Variants in ANGPTL2 observed in about 807,000 individuals in gnomAD.
The protein encoded by ANGPTL2 is angiopoietin-related protein 2.
ANGPTL2 carries 25 observed loss-of-function variants against 52.8 expected under a neutral mutation model. The observed-to-expected ratio is 0.47, with a 90% confidence interval of 0.35 to 0.66. The LOEUF is 0.66. ANGPTL2 is among the 30% of genes least tolerant of loss of function. The pLI, the probability that ANGPTL2 is intolerant of heterozygous loss-of-function variation, is 0.01. For synonymous variants in ANGPTL2, 276 were observed against 277.4 expected, an observed-to-expected ratio of 1.00 and a Z score of 0.05; for missense variants, 546 against 656.9, an observed-to-expected ratio of 0.83 and a Z score of 1.84.
chr9:127,098,678 C>T (rs865905891), intron 2 of ANGPTL2, among the ~76,000 whole-genome samples: 25 of 152,288 alleles, frequency 1.6e-4, no homozygotes, highest in African/African-American at 6.0e-4. Flanking sequence ...TTCCTCCTCT[C>T]TGGGGTTCTT....
chr9:127,089,715 T>A (rs2052227749), intron 4 of ANGPTL2, among the ~76,000 whole-genome samples: 1 of 152,230 alleles, frequency 6.6e-6, no homozygotes, highest in Non-Finnish European at 1.5e-5. Context: ...AGGAAAGATA[T>A]TTCCATAAAA....
Position 127,091,595 on chromosome 9 carries a change from C to G in ANGPTL2, c.1282+75G>C. 6.5e-7 allele frequency: 1 copy of G among 1,549,396 alleles called. No homozygotes were observed. Among genetic ancestry groups the G allele is most frequent in the Non-Finnish European group, 8.7e-7 (1 of 1,147,370 alleles). ...CCTGGGATCTTCCCGTTTCCAAGCC[C>G]TGGAGTCAGGGGCTCTGGCTCTGGT... On this transcript the variant is annotated intron_variant, in intron 4 of 4. Transcript: ENST00000373425. This position sits in a 1 kb window ranked among gnomAD's most constrained non-coding sequence, Gnocchi z 4.3.
chr9:127,115,988 C>T (rs1440515671), intron 1 of ANGPTL2, among the ~76,000 whole-genome samples: 1 of 152,184 alleles, frequency 6.6e-6, no homozygotes, highest in Non-Finnish European at 1.5e-5. Context: ...CAGAAGGCAC[C>T]TGGGGAGTCT....
rs1564564927 is a variant in ANGPTL2 at position 127,093,876 on chromosome 9, A to T, written c.868T>A (p.Ser290Thr). The T allele has an allele frequency of 6.2e-7, 1 of 1,613,980 alleles. No individual in the cohort carries two copies. Among genetic ancestry groups the T allele is most frequent in the South Asian group, 1.1e-5 (1 of 91,072 alleles). Residue 290 changes from serine (S) to threonine (T), a missense_variant, in exon 3 of 5, where the codon TCC becomes ACC. Physicochemically the swap from Ser to Thr is moderately conservative, Grantham distance 58. Coordinates refer to ENST00000373425, the MANE Select transcript of ANGPTL2 (RefSeq NM_012098.3). ...QALEDGHDTS[S>T]IYLVKPENTN... ...TTCTCCGGCTTCACCAGGTAGATGG[A>T]GCTGGTGTCGTGGCCATCCTCCAGG...
chr9:127,096,953 C>G (rs2053201826), intron 2 of ANGPTL2, among the ~76,000 whole-genome samples: 1 of 152,134 alleles, frequency 6.6e-6, no homozygotes, highest in African/African-American at 2.4e-5. Flanking sequence ...TCAAGGTTAC[C>G]TGGTGGGTAA....
intron 2 of ANGPTL2, among the ~76,000 whole-genome samples, chr9:127,099,445 T>G (rs2053500697): frequency 1.3e-5 from 2 of 152,214 alleles, no homozygotes; most frequent in African/African-American, 4.8e-5. Context: ...CTGTTGAAAT[T>G]GGATCTGCAA....
At chr9:127,112,842 T>C (rs144953927) in intron 1 of ANGPTL2, among the ~76,000 whole-genome samples, 1 of 152,274 alleles carries the variant, frequency 6.6e-6, no homozygotes, top group African/African-American at 2.4e-5. Context: ...CCTTGACTAA[T>C]GCTTGCACAG....
At chr9:127,096,411 C>T (rs925495371) in intron 2 of ANGPTL2, among the ~76,000 whole-genome samples, 3 of 152,220 alleles carry the variant, frequency 2.0e-5, no homozygotes, top group Non-Finnish European at 2.9e-5. Context: ...TGCAAAATAA[C>T]GCCCACTGAG....
chr9:127,096,114 T>A (rs2053103943), intron 2 of ANGPTL2, among the ~76,000 whole-genome samples: 2 of 152,224 alleles, frequency 1.3e-5, no homozygotes, highest in African/African-American at 4.8e-5. Flanking sequence ...CACAAGCAGC[T>A]GCTTCCTTTG....
At position 127,108,542 on chromosome 9, in the gene ANGPTL2, G is replaced by A. The variant is rs191786568; in HGVS notation, c.190C>T (p.Arg64Trp). 53 of 1,613,272 alleles carry A rather than the reference G, an allele frequency of 3.3e-5. No homozygotes were observed. The Admixed American group carries it at 4.2e-4, about 13-fold the overall frequency. Residue 64 changes from arginine (R) to tryptophan (W), a missense_variant, in exon 2 of 5, where the codon CGG becomes TGG. This residue lies in a region of ANGPTL2 where 285 missense variants were observed against 295.8 expected (regional missense o/e 0.96). Transcript: ENST00000373425. ...CTYTFIVPQQRVTGAICVNSK... is the reference protein window; with the variant it reads ...CTYTFIVPQQWVTGAICVNSK... ...TTGACGCAGATGGCACCCGTGACCC[G>A]CTGCTGGGGCACAATGAAGGTGTAG...
chr9:127,099,922 T>C (rs1264142137), intron 2 of ANGPTL2, among the ~76,000 whole-genome samples: 1 of 152,216 alleles, frequency 6.6e-6, no homozygotes, highest in Non-Finnish European at 1.5e-5. Flanking sequence ...AATGAGTGTT[T>C]CAGGAGTTGA....
chr9:127,095,830 G>A (rs781704450), intron 2 of ANGPTL2, among the ~76,000 whole-genome samples: 7 of 152,200 alleles, frequency 4.6e-5, no homozygotes, highest in Non-Finnish European at 7.3e-5. Context: ...CATCTCAGGT[G>A]GGCTGTTCCT....
intron 1 of ANGPTL2, among the ~76,000 whole-genome samples, chr9:127,112,782 T>G (rs1454455138): frequency 6.6e-6 from 1 of 152,214 alleles, no homozygotes; most frequent in Non-Finnish European, 1.5e-5. Context: ...CCAACAACAG[T>G]GAGGATGCTG....
chr9:127,109,246 A>G (rs1166315847), intron 1 of ANGPTL2, among the ~76,000 whole-genome samples: 1 of 152,100 alleles, frequency 6.6e-6, no homozygotes, highest in Admixed American at 6.5e-5. Flanking sequence ...TGTAATACCC[A>G]TCACCGCTGT....
rs755437504 is a variant in ANGPTL2, at chr9:127,108,089, G to T, written c.643C>A (p.Gln215Lys). Residue 215 changes from glutamine (Q) to lysine (K), a missense_variant, in exon 2 of 5, where the codon CAG becomes AAG. This residue lies in a region of ANGPTL2 where 285 missense variants were observed against 295.8 expected (regional missense o/e 0.96). Transcript: ENST00000373425. ...QRVPSARPVPQPPPAAPPRVY... is the reference protein window; with the variant it reads ...QRVPSARPVPKPPPAAPPRVY... ...CGGGGCGGGGCAGCGGGGGGTGGCT[G>T]GGGGACGGGCCTGGCCGAGGGCACC... is the stretch of plus-strand genomic sequence containing the variant. 1.2e-6 allele frequency: 2 copies of T among 1,611,564 alleles called. No individual in the cohort carries two copies.
Position 127,104,248 on chromosome 9 carries a change from G to A in ANGPTL2, c.817+3667C>T, listed in dbSNP as rs116687832. Among the ~76,000 whole-genome samples the A allele has an allele frequency of 4.0e-3, 615 of 152,330 alleles. 6 individuals carry two copies. Among genetic ancestry groups the A allele is most frequent in the African/African-American group, 0.014 (591 of 41,580 alleles). ...GATTAGTTTCTGACAAAGCCCGTCT[G>A]TGGCAGCTGCTGTTGGCGCTGTCCT... On this transcript the variant is annotated intron_variant, in intron 2 of 4. Coordinates refer to ENST00000373425, the MANE Select transcript of ANGPTL2 (RefSeq NM_012098.3).
At chr9:127,106,539 A>T (rs538965444) in intron 2 of ANGPTL2, among the ~76,000 whole-genome samples, 1 of 152,354 alleles carries the variant, frequency 6.6e-6, no homozygotes, top group East Asian at 1.9e-4. Context: ...AGATGAGGAA[A>T]CCGAGCCTCA....
chr9:127,097,491 TCTC>T (rs1466038579), intron 2 of ANGPTL2, among the ~76,000 whole-genome samples: 2 of 152,172 alleles, frequency 1.3e-5, no homozygotes, highest in Admixed American at 6.5e-5. Flanking sequence ...CTCTGTGAAA[TCTC>T]CTGCATTCAA....
rs2052818652 is a variant in ANGPTL2, at chr9:127,094,043, A to G, written c.818-117T>C. The G allele has an allele frequency of 2.8e-5, 34 of 1,207,324 alleles. No individual in the cohort carries two copies. The South Asian group carries it at 4.8e-4, about 17-fold the overall frequency. The allele number at this position is 1,207,324 out of a possible 1,614,324, so 74.8% of individuals were successfully genotyped here. ...GGCTCCAGCTGGGAGCCACAGGCCC[A>G]CGGTCTGAGGTAACCAATTTTTGTT... On this transcript the variant is annotated intron_variant, in intron 2 of 4. Coordinates refer to ENST00000373425, the MANE Select transcript of ANGPTL2 (RefSeq NM_012098.3).
Sources: gnomAD v4.1 joint callset for allele counts (sites outside exome capture counted in the v4.1 genomes callset) on GRCh38, gnomAD v4.1.1 for gene constraint, gnomAD v4.1.1 regional missense constraint, Gnocchi (gnomAD v3.1) non-coding constraint, MANE v1.5 for transcripts, NCBI Gene and HGNC (gene_info 2026-07-23, HGNC 2026-07-21) for gene names.